Variants in ATP2A3 observed in about 807,000 individuals in gnomAD.
ATP2A3 encodes the protein sarcoplasmic/endoplasmic reticulum calcium ATPase 3.
In ATP2A3, 61 loss-of-function variants were observed where a neutral mutation model predicts 106.8. The observed-to-expected ratio is 0.57, with a 90% CI of 0.46 to 0.71. The LOEUF (loss-of-function observed/expected upper bound fraction) is 0.71, where lower values mean the gene tolerates loss of function less well. ATP2A3 is among the 30% of genes least tolerant of loss of function. The pLI, the probability that ATP2A3 is intolerant of heterozygous loss-of-function variation, is 0.00. For missense variants in ATP2A3, 1,201 were observed against 1,423.5 expected, an observed-to-expected ratio of 0.84 and a Z score of 2.52; for synonymous variants, 611 against 609.3, an observed-to-expected ratio of 1.00 and a Z score of -0.04.
Position 3,941,379 on chromosome 17 carries a change from G to A in ATP2A3, c.1764+57C>T, listed in dbSNP as rs550644372. The A allele has an allele frequency of 6.2e-6, 10 of 1,613,472 alleles. No homozygotes were observed. In the South Asian group the frequency reaches 9.9e-5, roughly 16 times the overall value. On this transcript the variant is annotated intron_variant, in intron 13 of 20. Transcript: ENST00000397041. ...CTACCACCTGCTCAGCTGCTGCAGG[G>A]AGACTTGGCTCCTGCACCCACCTCG...
chr17:3,936,617 GGT>G lies in ATP2A3; in HGVS notation c.2322-150_2322-149del. 1 of 844,476 alleles carries G rather than the reference GGT, an allele frequency of 1.2e-6. No individual in the cohort carries two copies. The highest frequency in any genetic ancestry group is 2.0e-5 in the Admixed American group (1 of 49,690). 52.3% of individuals were successfully genotyped at this position (844,476 alleles called of 1,614,324 possible). On this transcript the variant is annotated intron_variant, in intron 15 of 20. Transcript: ENST00000397041. The surrounding 1 kb of genome is among the most constrained non-coding windows in gnomAD (Gnocchi z 5.4). ...TCCCTCCGCCAGCTGTGATGTGAAG[GGT>G]GTGTGTACACAGCTCTGCCTCGGGC...
chr17:3,947,662 T>C lies in ATP2A3; in HGVS notation c.824A>G (p.Asn275Ser). The C allele has an allele frequency of 6.2e-7, 1 of 1,612,342 alleles. No individual in the cohort carries two copies. The highest frequency in any genetic ancestry group is 8.5e-7 in the Non-Finnish European group (1 of 1,179,880). Residue 275 changes from asparagine to serine, a missense_variant, in exon 8 of 21, where the codon AAC (asparagine) becomes AGC (serine). Asn to Ser is a conservative substitution (Grantham distance 46). Transcript: ENST00000397041. The surrounding 1 kb of genome is among the most constrained non-coding windows in gnomAD (Gnocchi z 7.7). ...SVICVAVWVINIGHFADPAHG... is the reference protein window; with the variant it reads ...SVICVAVWVISIGHFADPAHG... ...GGCCGGGTCGGCGAAGTGGCCGATG[T>C]TGATGACCCACACGGCCACGCAGAT... is the stretch of plus-strand genomic sequence containing the variant.
chr17:3,949,913 G>C (rs938969075), intron 7 of ATP2A3, among the ~76,000 whole-genome samples: 8 of 151,958 alleles, frequency 5.3e-5, no homozygotes, highest in Non-Finnish European at 4.4e-5. Context: ...TATAATCCTA[G>C]CACTTTGGGA....
chr17:3,958,113 T>C (rs1450426671), intron 1 of ATP2A3, among the ~76,000 whole-genome samples: 1 of 152,194 alleles, frequency 6.6e-6, no homozygotes, highest in East Asian at 1.9e-4. Flanking sequence ...CAAGTTCAAA[T>C]CCTGCTCTAT....
Position 3,930,854 on chromosome 17 carries a change from G to A in ATP2A3, c.2611-420C>T. On this transcript the variant is annotated intron_variant, in intron 17 of 20. Transcript: ENST00000397041. The surrounding 1 kb of genome is among the most constrained non-coding windows in gnomAD (Gnocchi z 5.4). ...CGCAGGCCCTGTTCACTGTTATTAA[G>A]ATTCCATTTACAGCTGGGCGTGGTG... The A allele has an allele frequency of 3.2e-6, 1 of 317,214 alleles. No individual in the cohort carries two copies. Among genetic ancestry groups the A allele is most frequent in the Non-Finnish European group, 6.2e-6 (1 of 161,248 alleles). 19.6% of individuals were successfully genotyped at this position (317,214 alleles called of 1,614,324 possible).
intron 16 of ATP2A3, among the ~76,000 whole-genome samples, 178 bp from the exon 17 acceptor site, chr17:3,935,455 A>G (rs1473446055): frequency 6.6e-6 from 1 of 151,716 alleles, no homozygotes; most frequent in Non-Finnish European, 1.5e-5. Flanking sequence ...GTCAATCAGC[A>G]TCTGCCATAC....
At chr17:3,951,553 G>GGCCCCCCC in intron 4 of ATP2A3, 28 bp downstream of exon 4, 18 of 647,354 alleles carry the variant, frequency 2.8e-5, no homozygotes, top group Non-Finnish European at 3.7e-5. Context: ...ACCGCCCCCC[G>GGCCCCCCC]CCCGGTCCCA....
chr17:3,958,364 A>C (rs950075853), intron 1 of ATP2A3, among the ~76,000 whole-genome samples: 1 of 152,184 alleles, frequency 6.6e-6, no homozygotes. Flanking sequence ...CACCCAGAGC[A>C]GCTCCTGGAG....
chr17:3,943,538 G>C lies in ATP2A3; in HGVS notation c.1288-16C>G, dbSNP rs1288841527. ...CACCCTTGGCCTGGCAAGGACCCAGGGGATAGGGAGTGAGGGGCAGGCAGC... is the reference window on the plus strand; with the variant it reads ...CACCCTTGGCCTGGCAAGGACCCAGCGGATAGGGAGTGAGGGGCAGGCAGC... On this transcript the variant is annotated splice_polypyrimidine_tract_variant and intron_variant, in intron 10 of 20. Coordinates refer to ENST00000397041, the MANE Select transcript of ATP2A3 (RefSeq NM_005173.4). 7 of 1,613,782 alleles carry C rather than the reference G, an allele frequency of 4.3e-6. No homozygotes were observed. The highest frequency in any genetic ancestry group is 5.9e-6 in the Non-Finnish European group (7 of 1,179,900).
intron 1 of ATP2A3, among the ~76,000 whole-genome samples, chr17:3,959,314 G>A (rs749069510): frequency 1.3e-5 from 2 of 152,050 alleles, no homozygotes; most frequent in East Asian, 1.9e-4. Context: ...CTACCTCATC[G>A]CTGTGCCCTT....
In ATP2A3 at chr17:3,923,967, C is replaced by G. The variant is rs542033984; in HGVS notation, c.*1455G>C. ...CTGCTAAGACCTCCCCACCTCCCCC[C>G]AGGAAAGAAGCAGAGAATCTCTGCA... On this transcript the variant is annotated 3_prime_UTR_variant, in exon 21 of 21. Transcript: ENST00000397041. 1.2e-4 allele frequency: 18 copies of G among 152,280 alleles called. No homozygotes were observed. Among genetic ancestry groups the G allele is most frequent in the African/African-American group, 3.6e-4 (15 of 41,450 alleles). 9.4% of individuals were successfully genotyped at this position (152,280 alleles called of 1,614,324 possible). A position where few individuals can be genotyped will look rare whatever the true frequency, so the allele number is the denominator to read the frequency against.
Position 3,928,873 on chromosome 17 carries a change from G to A in ATP2A3, c.2863-93C>T, listed in dbSNP as rs1217307088. 2.0e-6 allele frequency: 2 copies of A among 994,826 alleles called. No homozygotes were observed. The highest frequency in any genetic ancestry group is 5.2e-5 in the East Asian group (2 of 38,138). 61.6% of individuals were successfully genotyped at this position (994,826 alleles called of 1,614,324 possible). On this transcript the variant is annotated intron_variant, in intron 19 of 20. Coordinates refer to ENST00000397041, the MANE Select transcript of ATP2A3 (RefSeq NM_005173.4). This position sits in a 1 kb window ranked among gnomAD's most constrained non-coding sequence, Gnocchi z 6.1. ...TGGCCTTATCCACCTGGGCTCTGAT[G>A]GACTCTTCATGAGCGCTCCTAAGAA...
At chr17:3,950,352 C>T (rs1398713973) in intron 7 of ATP2A3, among the ~76,000 whole-genome samples, 159 bp downstream of exon 7, 3 of 151,548 alleles carry the variant, frequency 2.0e-5, no homozygotes, top group Admixed American at 6.6e-5. Flanking sequence ...TTAGTAGAGA[C>T]GGGGTTTCAC....
chr17:3,961,360 G>A (rs952244629), intron 1 of ATP2A3, among the ~76,000 whole-genome samples: 21 of 152,238 alleles, frequency 1.4e-4, no homozygotes, highest in African/African-American at 4.3e-4. Flanking sequence ...GCTCACAGGA[G>A]GTGCTGGGGC....
Position 3,928,149 on chromosome 17 carries a change from T to C in ATP2A3, c.2980+514A>G. On this transcript the variant is annotated intron_variant, in intron 20 of 20. Transcript: ENST00000397041. The surrounding 1 kb of genome is among the most constrained non-coding windows in gnomAD (Gnocchi z 6.1). ...GCCCGACACCTGCCATCCTGTCCTC[T>C]CCACTCCGGGGTTAAGGCAGACCCA... 1 of 1,600,772 alleles carries C rather than the reference T, an allele frequency of 6.2e-7. No individual in the cohort carries two copies. The highest frequency in any genetic ancestry group is 8.6e-7 in the Non-Finnish European group (1 of 1,168,204).
At chr17:3,958,141 GCCA>G (rs2054888254) in intron 1 of ATP2A3, among the ~76,000 whole-genome samples, 1 of 152,240 alleles carries the variant, frequency 6.6e-6, no homozygotes, top group Non-Finnish European at 1.5e-5. Context: ...TACTTCTGTG[GCCA>G]CAGGCCAGTT....
rs776303824 is a variant in ATP2A3, at chr17:3,951,305, C to T, written c.409G>A (p.Val137Met). 3.7e-6 allele frequency: 6 copies of T among 1,613,922 alleles called. No individual in the cohort carries two copies. The highest frequency in any genetic ancestry group is 2.2e-5 in the East Asian group (1 of 44,892). ...GKVIRSDRKG[V>M]QRIRARDIVP... ...ATGTCCCGGGCACGGATCCTCTGCA[C>T]GCCCTTGCGGTCCGAGCGGATCACC... The change falls in exon 5 of 21, where the codon GTG becomes ATG. Residue 137 changes from valine to methionine, a missense_variant. This residue lies in a region of ATP2A3 where 266 missense variants were observed against 246.8 expected (regional missense o/e 1.08). Coordinates refer to ENST00000397041, the MANE Select transcript of ATP2A3 (RefSeq NM_005173.4).
chr17:3,939,701 C>T (rs2053629720), intron 14 of ATP2A3, among the ~76,000 whole-genome samples: 4 of 142,526 alleles, frequency 2.8e-5, no homozygotes, highest in African/African-American at 7.8e-5. Flanking sequence ...GCAGGAGAAT[C>T]GCTTGAACCT....
chr17:3,944,625 T>G, intron 10 of ATP2A3, 79 bp downstream of exon 10: 1 of 1,482,642 alleles, frequency 6.7e-7, no homozygotes, highest in Non-Finnish European at 9.3e-7. Context: ...CTGCCAACCC[T>G]GGGAGCTTTG....
Sources: gnomAD v4.1 joint callset for allele counts (sites outside exome capture counted in the v4.1 genomes callset) on GRCh38, gnomAD v4.1.1 for gene constraint, gnomAD v4.1.1 regional missense constraint, Gnocchi (gnomAD v3.1) non-coding constraint, MANE v1.5 for transcripts, NCBI Gene and HGNC (gene_info 2026-07-23, HGNC 2026-07-21) for gene names.